APPL1: variants seen among roughly 807,000 people sequenced by gnomAD.
APPL1 encodes the protein DCC-interacting protein 13-alpha.
APPL1 carries 42 observed loss-of-function variants against 106.8 expected under a neutral mutation model. The ratio of observed to expected loss-of-function variants is 0.39; its 90% CI spans 0.31 to 0.51. The LOEUF (loss-of-function observed/expected upper bound fraction) is 0.51, where lower values mean the gene tolerates loss of function less well. APPL1 is among the 20% of genes least tolerant of loss of function. APPL1 has a pLI of 0.75. For synonymous variants in APPL1, 263 were observed against 281.8 expected, an observed-to-expected ratio of 0.93 and a Z score of 0.67; for missense variants, 769 against 858.2, an observed-to-expected ratio of 0.90 and a Z score of 1.30.
intron 2 of APPL1, among the ~76,000 whole-genome samples, chr3:57,235,929 CA>C (rs1164068467): frequency 6.6e-6 from 1 of 152,214 alleles, no homozygotes; most frequent in African/African-American, 2.4e-5. Flanking sequence ...GGGAACCCCC[CA>C]TTAAACTCAC....
chr3:57,239,537 A>G (rs894828266), intron 4 of APPL1, among the ~76,000 whole-genome samples: 2 of 152,102 alleles, frequency 1.3e-5, no homozygotes, highest in African/African-American at 4.8e-5. Flanking sequence ...ATCTCTTTAT[A>G]TATCTGTGTA....
chr3:57,236,325 GC>G (rs1296281510), intron 2 of APPL1, among the ~76,000 whole-genome samples: 1 of 134,828 alleles, frequency 7.4e-6, no homozygotes, highest in African/African-American at 2.8e-5. Flanking sequence ...ATTGTACCCA[GC>G]CCCCTTTTTT....
At chr3:57,246,369 C>A in intron 8 of APPL1, 147 bp downstream of exon 8, 1 of 560,334 alleles carries the variant, frequency 1.8e-6, no homozygotes, top group Non-Finnish European at 2.7e-6. Flanking sequence ...AAAATGTCAT[C>A]AGACTATTAT....
Position 57,249,265 on chromosome 3 carries a change from G to A in APPL1, c.864-95G>A. On this transcript the variant is annotated intron_variant, in intron 10 of 21. Transcript: ENST00000288266. ...TTGGCATCTTGGTGCCTCTTCGCAA[G>A]CCAGTTCATTGTAACATGCTTTATC... 3.8e-6 allele frequency: 5 copies of A among 1,323,008 alleles called. No individual in the cohort carries two copies. The South Asian group carries it at 5.2e-5, about 14-fold the overall frequency. 82.0% of individuals were successfully genotyped at this position (1,323,008 alleles called of 1,614,324 possible).
chr3:57,236,898 G>A (rs1290158699), intron 2 of APPL1, among the ~76,000 whole-genome samples: 1 of 151,988 alleles, frequency 6.6e-6, no homozygotes, highest in Non-Finnish European at 1.5e-5. Context: ...TTGCTTTCTG[G>A]CTTCACATTT....
At chr3:57,245,507 A>T (rs1332413335) in intron 7 of APPL1, among the ~76,000 whole-genome samples, 1 of 150,924 alleles carries the variant, frequency 6.6e-6, no homozygotes, top group African/African-American at 2.4e-5. Flanking sequence ...TAGTTATTGT[A>T]CCATTCTTAG....
intron 7 of APPL1, among the ~76,000 whole-genome samples, chr3:57,244,219 C>T (rs777676406): frequency 2.0e-5 from 3 of 151,446 alleles, no homozygotes; most frequent in African/African-American, 4.9e-5. Flanking sequence ...GCAGTGGCTC[C>T]GTCTCGGCTC....
At chr3:57,265,900 A>G (rs2060892284) in intron 19 of APPL1, among the ~76,000 whole-genome samples, 1 of 152,188 alleles carries the variant, frequency 6.6e-6, no homozygotes, top group South Asian at 2.1e-4. Flanking sequence ...GTTTTTAATC[A>G]TGAAGGGATG....
At chr3:57,233,625 TTC>T (rs2060700938) in intron 1 of APPL1, among the ~76,000 whole-genome samples, 1 of 152,140 alleles carries the variant, frequency 6.6e-6, no homozygotes, top group African/African-American at 2.4e-5. Flanking sequence ...TTGAAAAATA[TTC>T]TGTCAAATCT....
At position 57,266,408 on chromosome 3, in the gene APPL1, G is replaced by A. The variant is rs1428011180; in HGVS notation, c.1843-1334G>A. On this transcript the variant is annotated intron_variant, in intron 19 of 21. Coordinates refer to ENST00000288266, the MANE Select transcript of APPL1 (RefSeq NM_012096.3). ...GACTGTTCAGGTTTTGGATTTCTTC[G>A]TGGTTCAATCTTGGTAGGTTGTATT... 3.9e-5 allele frequency among the ~76,000 whole-genome samples: 6 copies of A among 151,960 alleles called. 1 individual carries two copies. Among genetic ancestry groups the A allele is most frequent in the East Asian group, 1.9e-4 (1 of 5,186 alleles).
chr3:57,237,190 T>C (rs563454857), intron 2 of APPL1, among the ~76,000 whole-genome samples: 2 of 152,322 alleles, frequency 1.3e-5, no homozygotes, highest in East Asian at 1.9e-4. Flanking sequence ...GTAGATGCTC[T>C]AAAGATTTTG....
rs1579412818 is a variant in APPL1 at position 57,271,540 on chromosome 3, T to A, written c.*1853T>A. 6.6e-6 allele frequency: 1 copy of A among 152,228 alleles called. No homozygotes were observed. Among genetic ancestry groups the A allele is most frequent in the East Asian group, 1.9e-4 (1 of 5,206 alleles). The allele number at this position is 152,228 out of a possible 1,614,324, so 9.4% of individuals were successfully genotyped here. A position where few individuals can be genotyped will look rare whatever the true frequency, so the allele number is the denominator to read the frequency against. ...ACCTTTTGGAGACTGGAGCTTTCTG[T>A]TCCATTAAGTCTTTTGTTTATACTA... On this transcript the variant is annotated 3_prime_UTR_variant, in exon 22 of 22. Transcript: ENST00000288266.
chr3:57,242,292 C>T, intron 6 of APPL1, 150 bp downstream of exon 6: 1 of 559,452 alleles, frequency 1.8e-6, no homozygotes, highest in South Asian at 3.9e-5. Flanking sequence ...TTAAATTACA[C>T]TGTTTATACA....
At position 57,266,804 on chromosome 3, in the gene APPL1, A is replaced by G. The variant is rs113878153; in HGVS notation, c.1843-938A>G. On this transcript the variant is annotated intron_variant, in intron 19 of 21. Transcript: ENST00000288266. ...GGGAGGGGTCTGGTTTCATTCTTCT[A>G]CATGTGGCTCTCCAATCTTGCCAGA... 9.8e-3 allele frequency among the ~76,000 whole-genome samples: 1,495 copies of G among 152,226 alleles called. 17 individuals are homozygous for G. Among genetic ancestry groups the G allele is most frequent in the African/African-American group, 0.034 (1,424 of 41,530 alleles).
chr3:57,234,189 T>C (rs2060703669), intron 1 of APPL1, among the ~76,000 whole-genome samples: 1 of 152,310 alleles, frequency 6.6e-6, no homozygotes, highest in East Asian at 1.9e-4. Flanking sequence ...CCAGTAGTTA[T>C]TGGTATTTTC....
rs1321470233 is a variant in APPL1 at position 57,246,092 on chromosome 3, C to G, written c.491C>G (p.Thr164Arg). Reference sequence around the variant, plus strand: ...CATTCAAAGGTGAAGTATGAAGTAACAGAAGATGTGTACACATCCAGAAAG... The same window carrying G: ...CATTCAAAGGTGAAGTATGAAGTAAGAGAAGATGTGTACACATCCAGAAAG... ...RENDKVKYEV[T>R]EDVYTSRKKQ... The change falls in exon 8 of 22, where the codon ACA (threonine) becomes AGA (arginine). Residue 164 changes from threonine (T) to arginine (R), a missense_variant. Transcript: ENST00000288266. The G allele has an allele frequency of 6.3e-7, 1 of 1,591,792 alleles. No individual in the cohort carries two copies. Among genetic ancestry groups the G allele is most frequent in the Admixed American group, 1.8e-5 (1 of 54,638 alleles).
chr3:57,256,176 G>A (rs557217616), intron 13 of APPL1, among the ~76,000 whole-genome samples: 9 of 152,166 alleles, frequency 5.9e-5, no homozygotes, highest in South Asian at 2.1e-4. Context: ...GCCATTGCAC[G>A]CCAGCCTGGG....
In APPL1 at chr3:57,247,441, A is replaced by G; in HGVS notation, c.668A>G (p.Glu223Gly). ...MGSENLNEQL[E>G]EFLANIGTSV... Reference sequence around the variant, plus strand: ...TCTGAAAATCTTAATGAACAACTGGAAGAATTTTTAGCTAATATTGGAACA... The same window carrying G: ...TCTGAAAATCTTAATGAACAACTGGGAGAATTTTTAGCTAATATTGGAACA... Residue 223 changes from glutamate (E) to glycine (G), a missense_variant, in exon 9 of 22, where the codon GAA becomes GGA. Glu to Gly is a moderately conservative substitution (Grantham distance 98, BLOSUM62 -2). Transcript: ENST00000288266. 1 of 1,611,464 alleles carries G rather than the reference A, an allele frequency of 6.2e-7. No homozygotes were observed. The highest frequency in any genetic ancestry group is 8.5e-7 in the Non-Finnish European group (1 of 1,178,210).
At chr3:57,265,994 TATTG>T (rs1212498211) in intron 19 of APPL1, among the ~76,000 whole-genome samples, 5 of 152,226 alleles carry the variant, frequency 3.3e-5, no homozygotes, top group Non-Finnish European at 7.3e-5. Context: ...TGATGTAGCA[TATTG>T]ATTGATTTGC....
Sources: gnomAD v4.1 joint callset for allele counts (sites outside exome capture counted in the v4.1 genomes callset) on GRCh38, gnomAD v4.1.1 for gene constraint, MANE v1.5 for transcripts, NCBI Gene and HGNC (gene_info 2026-07-23, HGNC 2026-07-21) for gene names.